EIF2AK1: variants seen among roughly 807,000 people sequenced by gnomAD.
EIF2AK1 encodes the protein eukaryotic translation initiation factor 2 alpha kinase 1.
EIF2AK1 carries 54 observed loss-of-function variants against 77.9 expected under a neutral mutation model. That is an observed-to-expected ratio of 0.69 (90% CI 0.56 to 0.87). EIF2AK1 has a LOEUF of 0.87. EIF2AK1 is among the 40% of genes least tolerant of loss of function. The pLI is 0.00. For synonymous variants in EIF2AK1, 314 were observed against 290.5 expected (o/e 1.08, Z -0.82); for missense variants, 810 against 768.6 (o/e 1.05, Z -0.64).
chr7:6,054,425 A>G, intron 2 of EIF2AK1, 121 bp downstream of exon 2: 1 of 1,069,448 alleles, frequency 9.4e-7, no homozygotes, highest in South Asian at 1.6e-5. Context: ...ACCGATCTCG[A>G]TCTCCGGACC....
rs528219133 is a variant in EIF2AK1, at chr7:6,058,575, C to G, written c.118+391G>C. 2.0e-5 allele frequency among the ~76,000 whole-genome samples: 3 copies of G among 152,218 alleles called. No individual in the cohort carries two copies. In the East Asian group the frequency reaches 5.8e-4, roughly 29 times the overall value. On this transcript the variant is annotated intron_variant, in intron 1 of 14. Coordinates refer to ENST00000199389, the MANE Select transcript of EIF2AK1 (RefSeq NM_014413.4). ...AGAGCTACAAATTACAACTCTTAAC[C>G]CAAACTATTCAGCGTATAGTTTGCA...
chr7:6,056,613 A>AATATATATATATATAT lies in EIF2AK1; in HGVS notation c.119-1925_119-1910dup, dbSNP rs71008353. ...CATCTCAAGGGAAAAAAAAAAAAAA[A>AATATATATATATATAT]ATATATATATATATATATATATAAA... On this transcript the variant is annotated intron_variant, in intron 1 of 14. Coordinates refer to ENST00000199389, the MANE Select transcript of EIF2AK1 (RefSeq NM_014413.4). Among the ~76,000 whole-genome samples the AATATATATATATATAT allele has an allele frequency of 5.5e-3, 242 of 43,674 alleles. 5 individuals carry two copies. Among genetic ancestry groups the AATATATATATATATAT allele is most frequent in the Middle Eastern group, 0.03 (2 of 66 alleles). 28.7% of individuals were successfully genotyped at this position (43,674 alleles called of 152,430 possible). A position where few individuals can be genotyped will look rare whatever the true frequency, so the allele number is the denominator to read the frequency against.
chr7:6,034,568 C>A (rs12672450), intron 11 of EIF2AK1, among the ~76,000 whole-genome samples: 1 of 151,972 alleles, frequency 6.6e-6, no homozygotes, highest in Non-Finnish European at 1.5e-5. Flanking sequence ...ATTTACTGAG[C>A]TGTTTCACTG....
At chr7:6,054,249 G>C (rs1371362628) in intron 2 of EIF2AK1, among the ~76,000 whole-genome samples, 1 of 151,924 alleles carries the variant, frequency 6.6e-6, no homozygotes, top group Non-Finnish European at 1.5e-5. Flanking sequence ...CTTTCACCCA[G>C]GCTGGAGTGC....
At position 6,023,698 on chromosome 7, in the gene EIF2AK1, G is replaced by T; in HGVS notation, c.*975C>A. The T allele has an allele frequency of 1.2e-6, 2 of 1,614,038 alleles. No homozygotes were observed. The highest frequency in any genetic ancestry group is 1.1e-5 in the South Asian group (1 of 91,066). On this transcript the variant is annotated 3_prime_UTR_variant, in exon 15 of 15. Coordinates refer to ENST00000199389, the MANE Select transcript of EIF2AK1 (RefSeq NM_014413.4). The stretch of plus-strand genomic sequence containing the variant: ...CCTCAAGCTCCTTAAGTGAATTGCC[G>T]TAACTGATTTTAAAGGGTTTAGATT...
chr7:6,033,726 C>T lies in EIF2AK1; in HGVS notation c.1332+3698G>A, dbSNP rs1053546440. On this transcript the variant is annotated intron_variant, in intron 11 of 14. Coordinates refer to ENST00000199389, the MANE Select transcript of EIF2AK1 (RefSeq NM_014413.4). This position sits in a 1 kb window ranked among gnomAD's most constrained non-coding sequence, Gnocchi z 4.4. ...CTGGGACTACAGGCGCCTGCCACCACGCCTGGCTAATTTTTTGTATTTTTA... is the reference window on the plus strand; with the variant it reads ...CTGGGACTACAGGCGCCTGCCACCATGCCTGGCTAATTTTTTGTATTTTTA... 4.6e-5 allele frequency among the ~76,000 whole-genome samples: 7 copies of T among 152,082 alleles called. No individual in the cohort carries two copies. Among genetic ancestry groups the T allele is most frequent in the Middle Eastern group, 3.4e-3 (1 of 292 alleles).
intron 5 of EIF2AK1, 78 bp downstream of exon 5, chr7:6,046,914 A>G: frequency 2.3e-6 from 3 of 1,314,664 alleles, no homozygotes; most frequent in Middle Eastern, 2.8e-4. Context: ...AAATAAATAA[A>G]TAAAAGAATA....
In EIF2AK1 at chr7:6,029,057, C is replaced by T. The variant is rs377160416; in HGVS notation, c.1333-25G>A. The T allele has an allele frequency of 1.5e-4, 237 of 1,552,156 alleles. 3 individuals are homozygous for T. In the Middle Eastern group the frequency reaches 1.7e-3, roughly 11 times the overall value. The stretch of plus-strand genomic sequence containing the variant: ...GCTATCAACAAACAAAACAAGTCAA[C>T]TCCTTGGCTTTCTTAAAACAAATAG... On this transcript the variant is annotated intron_variant, in intron 11 of 14. Coordinates refer to ENST00000199389, the MANE Select transcript of EIF2AK1 (RefSeq NM_014413.4).
chr7:6,054,762 A>G, intron 1 of EIF2AK1, 58 bp from the exon 2 acceptor site: 1 of 1,456,476 alleles, frequency 6.9e-7, no homozygotes, highest in Non-Finnish European at 9.5e-7. Context: ...TCATAATGAC[A>G]AAACCGTATA....
chr7:6,031,672 A>G (rs527566265), intron 11 of EIF2AK1: 2 of 1,382,406 alleles, frequency 1.4e-6, no homozygotes, highest in East Asian at 5.0e-5. Flanking sequence ...TGGTGAACCC[A>G]CTAAGCTCAC....
At chr7:6,052,894 C>T (rs554642518) in intron 2 of EIF2AK1, among the ~76,000 whole-genome samples, 7 of 151,470 alleles carry the variant, frequency 4.6e-5, no homozygotes, top group Admixed American at 2.0e-4. Context: ...ACCCGGGGGG[C>T]GGAGATTGCA....
In EIF2AK1 at chr7:6,032,713, T is replaced by C. The variant is rs1238314951; in HGVS notation, c.1333-3681A>G. ...GTAGAAAGGAAACTTTCAATGCACA[T>C]ACCAGAAAAAGAGTGAGCCAATGAG... On this transcript the variant is annotated intron_variant, in intron 11 of 14. Coordinates refer to ENST00000199389, the MANE Select transcript of EIF2AK1 (RefSeq NM_014413.4). This position sits in a 1 kb window ranked among gnomAD's most constrained non-coding sequence, Gnocchi z 4.3. 1.8e-5 allele frequency: 12 copies of C among 674,076 alleles called. No homozygotes were observed. Among genetic ancestry groups the C allele is most frequent in the Middle Eastern group, 2.6e-4 (1 of 3,880 alleles). 41.8% of individuals were successfully genotyped at this position (674,076 alleles called of 1,614,324 possible).
intron 2 of EIF2AK1, among the ~76,000 whole-genome samples, chr7:6,050,461 C>CT (rs1222950426): frequency 6.6e-6 from 1 of 152,126 alleles, no homozygotes; most frequent in African/African-American, 2.4e-5. Context: ...TCCCAAAGTG[C>CT]TAGGATTACA....
At chr7:6,031,911 T>A (rs1402861722) in intron 11 of EIF2AK1, among the ~76,000 whole-genome samples, 6 of 152,154 alleles carry the variant, frequency 3.9e-5, no homozygotes, top group Non-Finnish European at 8.8e-5. Context: ...CAGTAGCTCA[T>A]GCCTGTAATC....
intron 7 of EIF2AK1, among the ~76,000 whole-genome samples, chr7:6,043,995 A>G (rs1353156897): frequency 6.6e-6 from 1 of 151,810 alleles, no homozygotes; most frequent in African/African-American, 2.4e-5. Context: ...GCTACTCGGG[A>G]GGCTGAGGCA....
Position 6,035,632 on chromosome 7 carries a change from A to C in EIF2AK1, c.1332+1792T>G. ...AACACTCAAGGGGAAATCAGCAACA[A>C]ACGTTCACCACTCCACCTGGCCATA... On this transcript the variant is annotated intron_variant, in intron 11 of 14. Coordinates refer to ENST00000199389, the MANE Select transcript of EIF2AK1 (RefSeq NM_014413.4). The surrounding 1 kb of genome is among the most constrained non-coding windows in gnomAD (Gnocchi z 5.5). The C allele has an allele frequency of 6.4e-7, 1 of 1,550,724 alleles. No homozygotes were observed. The highest frequency in any genetic ancestry group is 8.7e-7 in the Non-Finnish European group (1 of 1,147,060).
rs1788455346 is a variant in EIF2AK1, at chr7:6,046,766, G to GT, written c.549+225dup. The stretch of plus-strand genomic sequence containing the variant: ...AAAATACAAAAATTAGCTGGGTGTA[G>GT]TAGCACATGCCTGTAATCCCAGCTA... On this transcript the variant is annotated intron_variant, in intron 5 of 14. Coordinates refer to ENST00000199389, the MANE Select transcript of EIF2AK1 (RefSeq NM_014413.4). The GT allele has an allele frequency of 7.7e-5, 31 of 401,524 alleles. 1 individual carries two copies. In the South Asian group the frequency reaches 9.7e-4, roughly 13 times the overall value. 24.9% of individuals were successfully genotyped at this position (401,524 alleles called of 1,614,324 possible). A position where few individuals can be genotyped will look rare whatever the true frequency, so the allele number is the denominator to read the frequency against.
In EIF2AK1 at chr7:6,027,112, A is replaced by C; in HGVS notation, c.1531-151T>G. 1.5e-6 allele frequency: 1 copy of C among 668,886 alleles called. No individual in the cohort carries two copies. The highest frequency in any genetic ancestry group is 2.5e-6 in the Non-Finnish European group (1 of 394,116). The allele number at this position is 668,886 out of a possible 1,614,324, so 41.4% of individuals were successfully genotyped here. On this transcript the variant is annotated intron_variant, in intron 13 of 14. Coordinates refer to ENST00000199389, the MANE Select transcript of EIF2AK1 (RefSeq NM_014413.4). The surrounding 1 kb of genome is among the most constrained non-coding windows in gnomAD (Gnocchi z 4.5). ...GGAAGGGAACAGAGCAGGATAGCTC[A>C]TCAGTGACAGGGACTTTCACAACCT...
intron 11 of EIF2AK1, chr7:6,031,411 G>A (rs1787907915): frequency 1.9e-6 from 3 of 1,550,660 alleles, no homozygotes; most frequent in Non-Finnish European, 2.6e-6. Flanking sequence ...GCAGAGACCT[G>A]GTGGTTGACA....
Sources: gnomAD v4.1 joint callset for allele counts (sites outside exome capture counted in the v4.1 genomes callset) on GRCh38, gnomAD v4.1.1 for gene constraint, Gnocchi (gnomAD v3.1) non-coding constraint, MANE v1.5 for transcripts, NCBI Gene and HGNC (gene_info 2026-07-23, HGNC 2026-07-21) for gene names.